Variants in IQCH observed in about 807,000 individuals in gnomAD.
IQCH encodes IQ motif containing H, also known as IQ domain-containing protein H.
In IQCH, 98 loss-of-function variants were observed where a neutral mutation model predicts 117.0. The observed-to-expected ratio is 0.84, with a 90% CI of 0.71 to 0.99. The LOEUF (loss-of-function observed/expected upper bound fraction) is 0.99, where lower values mean the gene tolerates loss of function less well. IQCH is among the 50% of genes least tolerant of loss of function. IQCH has a pLI of 0.00. For missense variants in IQCH, 1,102 were observed against 1,243.8 expected (o/e 0.89, Z 1.72); for synonymous variants, 412 against 448.2 (o/e 0.92, Z 1.02).
Position 67,388,814 on chromosome 15 carries a change from GT to G in IQCH, c.1457-16del. 1 of 1,605,358 alleles carries G rather than the reference GT, an allele frequency of 6.2e-7. No individual in the cohort carries two copies. ...TACCTTCACACCAGTAATTAACATT[GT>G]GCCTGTTGTTTTTAGATGCCAATGT... is the stretch of plus-strand genomic sequence containing the variant. On this transcript the variant is annotated splice_polypyrimidine_tract_variant and intron_variant, in intron 11 of 20. Transcript: ENST00000335894. The surrounding 1 kb of genome is among the most constrained non-coding windows in gnomAD (Gnocchi z 5.5).
chr15:67,282,560 G>A (rs1031527792), intron 4 of IQCH, among the ~76,000 whole-genome samples: 10 of 152,046 alleles, frequency 6.6e-5, no homozygotes, highest in Non-Finnish European at 1.3e-4. Flanking sequence ...TATGTGTGAC[G>A]TCTGCTTAAA....
chr15:67,295,928 A>G (rs1400032164), intron 4 of IQCH, among the ~76,000 whole-genome samples: 1 of 152,154 alleles, frequency 6.6e-6, no homozygotes, highest in Non-Finnish European at 1.5e-5. Flanking sequence ...CTCTGGTCTT[A>G]GTCTAATTGT....
chr15:67,288,018 A>C (rs4776913), intron 4 of IQCH, among the ~76,000 whole-genome samples: 31,654 of 151,992 alleles, frequency 0.21, 4,133 homozygotes, highest in East Asian at 0.47. Flanking sequence ...ATTCAGGAGC[A>C]TATTGTTTAC....
chr15:67,415,078 A>C (rs1455869059), intron 14 of IQCH, among the ~76,000 whole-genome samples: 1 of 152,186 alleles, frequency 6.6e-6, no homozygotes, highest in African/African-American at 2.4e-5. Context: ...ACAAGTGTAA[A>C]ACAAAAGAAA....
chr15:67,285,463 A>C (rs976133069), intron 4 of IQCH, among the ~76,000 whole-genome samples: 1 of 151,974 alleles, frequency 6.6e-6, no homozygotes, highest in African/African-American at 2.4e-5. Flanking sequence ...CCCATTTGTC[A>C]ATTTTTGTTG....
chr15:67,405,791 G>T lies in IQCH; in HGVS notation c.2097+5486G>T, dbSNP rs1186835057. Reference sequence around the variant, plus strand: ...GTGACTCATACCGTGTGCTGCCCTTGTGGCAAGCTTTCTGCTTTCCAGAGA... The same window carrying T: ...GTGACTCATACCGTGTGCTGCCCTTTTGGCAAGCTTTCTGCTTTCCAGAGA... On this transcript the variant is annotated intron_variant, in intron 14 of 20. Coordinates refer to ENST00000335894, the MANE Select transcript of IQCH (RefSeq NM_001031715.3). This position sits in a 1 kb window ranked among gnomAD's most constrained non-coding sequence, Gnocchi z 4.8. 1 of 152,238 alleles carries T rather than the reference G, an allele frequency of 6.6e-6. No homozygotes were observed. The highest frequency in any genetic ancestry group is 1.5e-5 in the Non-Finnish European group (1 of 68,052). 9.4% of individuals were successfully genotyped at this position (152,238 alleles called of 1,614,324 possible).
chr15:67,340,942 C>T (rs1311189222), intron 5 of IQCH, among the ~76,000 whole-genome samples: 1 of 152,156 alleles, frequency 6.6e-6, no homozygotes, highest in Non-Finnish European at 1.5e-5. Flanking sequence ...GGCGCAGCGG[C>T]TCATGCCTCT....
chr15:67,320,764 T>G (rs1321014628), intron 4 of IQCH, among the ~76,000 whole-genome samples: 1 of 152,170 alleles, frequency 6.6e-6, no homozygotes, highest in Non-Finnish European at 1.5e-5. Context: ...CTTGGATCAT[T>G]TTTTTCCCTA....
intron 16 of IQCH, among the ~76,000 whole-genome samples, chr15:67,449,422 C>T (rs1267764389): frequency 6.6e-6 from 1 of 152,070 alleles, no homozygotes; most frequent in Non-Finnish European, 1.5e-5. Context: ...GGAAGGGATC[C>T]AGTTTCAGCT....
chr15:67,434,486 C>A (rs1432551923), intron 16 of IQCH, among the ~76,000 whole-genome samples: 1 of 152,158 alleles, frequency 6.6e-6, no homozygotes, highest in African/African-American at 2.4e-5. Context: ...ACCACAATTT[C>A]TTCATCCTTT....
chr15:67,336,713 C>A (rs1188784610), intron 4 of IQCH, among the ~76,000 whole-genome samples: 1 of 152,062 alleles, frequency 6.6e-6, no homozygotes, highest in Non-Finnish European at 1.5e-5. Flanking sequence ...CTTAATAGTT[C>A]TTTTATTAAC....
chr15:67,487,288 G>A (rs780223113), intron 18 of IQCH, among the ~76,000 whole-genome samples: 2 of 152,088 alleles, frequency 1.3e-5, no homozygotes, highest in African/African-American at 2.4e-5. Flanking sequence ...AGCCAAGATC[G>A]TGCCACTGCA....
rs1410004106 is a variant in IQCH at position 67,417,178 on chromosome 15, G to A, written c.2218+127G>A. Reference sequence around the variant, plus strand: ...GTTGGTTTAGAAAAGTGCTCCTACGGTTTTCTTTTTCAAATGTTGCCTAAA... The same window carrying A: ...GTTGGTTTAGAAAAGTGCTCCTACGATTTTCTTTTTCAAATGTTGCCTAAA... On this transcript the variant is annotated intron_variant, in intron 15 of 20. Coordinates refer to ENST00000335894, the MANE Select transcript of IQCH (RefSeq NM_001031715.3). This position sits in a 1 kb window ranked among gnomAD's most constrained non-coding sequence, Gnocchi z 4.3. 1 of 714,128 alleles carries A rather than the reference G, an allele frequency of 1.4e-6. No homozygotes were observed. Among genetic ancestry groups the A allele is most frequent in the Non-Finnish European group, 2.1e-6 (1 of 480,134 alleles). The allele number at this position is 714,128 out of a possible 1,614,324, so 44.2% of individuals were successfully genotyped here.
At chr15:67,363,582 C>A (rs1465334122) in intron 8 of IQCH, among the ~76,000 whole-genome samples, 1 of 152,066 alleles carries the variant, frequency 6.6e-6, no homozygotes, top group Non-Finnish European at 1.5e-5. Flanking sequence ...TTCAGAAATA[C>A]ATTTGCAGAT....
At chr15:67,442,866 A>AGATG (rs71142376) in intron 16 of IQCH, among the ~76,000 whole-genome samples, 3 of 127,094 alleles carry the variant, frequency 2.4e-5, no homozygotes, top group Non-Finnish European at 3.4e-5. Context: ...ATAGATAGAT[A>AGATG]TACATATATA....
chr15:67,280,352 C>T (rs1966301379), intron 4 of IQCH, among the ~76,000 whole-genome samples: 1 of 152,188 alleles, frequency 6.6e-6, no homozygotes, highest in Non-Finnish European at 1.5e-5. Flanking sequence ...CCTGTCTTAG[C>T]TCAGGCTGCT....
chr15:67,449,431 C>T (rs1233629530), intron 16 of IQCH, among the ~76,000 whole-genome samples: 3 of 152,204 alleles, frequency 2.0e-5, no homozygotes, highest in African/African-American at 7.2e-5. Flanking sequence ...CCAGTTTCAG[C>T]TTTCTACATA....
At position 67,403,100 on chromosome 15, in the gene IQCH, A is replaced by T. The variant is rs1419378079; in HGVS notation, c.2097+2795A>T. ...TCGTCTCTACTAAAAATACAAAAAAATTAGTCGGGGCTGGTGGTGCATGCC... is the reference window on the plus strand; with the variant it reads ...TCGTCTCTACTAAAAATACAAAAAATTTAGTCGGGGCTGGTGGTGCATGCC... On this transcript the variant is annotated intron_variant, in intron 14 of 20. Transcript: ENST00000335894. This position sits in a 1 kb window ranked among gnomAD's most constrained non-coding sequence, Gnocchi z 4.8. 6.6e-6 allele frequency among the ~76,000 whole-genome samples: 1 copy of T among 152,130 alleles called. No individual in the cohort carries two copies. Among genetic ancestry groups the T allele is most frequent in the African/African-American group, 2.4e-5 (1 of 41,434 alleles).
Position 67,466,278 on chromosome 15 carries a change from C to A in IQCH, c.2676+981C>A, listed in dbSNP as rs1399915637. On this transcript the variant is annotated intron_variant, in intron 17 of 20. Transcript: ENST00000335894. This position sits in a 1 kb window ranked among gnomAD's most constrained non-coding sequence, Gnocchi z 4.4. ...TGGTCATGGAGAGAGAGAACAAAGG[C>A]CAAGGGGACCAGATGCCCTTTGTGC... Among the ~76,000 whole-genome samples, 1 of 152,158 alleles carries A rather than the reference C, an allele frequency of 6.6e-6. No homozygotes were observed. Among genetic ancestry groups the A allele is most frequent in the African/African-American group, 2.4e-5 (1 of 41,446 alleles).
Sources: allele counts gnomAD v4.1 joint callset (sites outside exome capture counted in the v4.1 genomes callset), GRCh38; gene constraint gnomAD v4.1.1; non-coding constraint Gnocchi (gnomAD v3.1); transcripts MANE v1.5; gene names NCBI Gene and HGNC (gene_info 2026-07-23, HGNC 2026-07-21).